NOP58: variants seen among roughly 807,000 people sequenced by gnomAD.
NOP58 encodes nucleolar protein 58.
NOP58 carries 44 observed loss-of-function variants against 71.2 expected under a neutral mutation model. The observed-to-expected ratio is 0.62, with a 90% CI of 0.49 to 0.79. The LOEUF is 0.79. Ranked by LOEUF, NOP58 falls within the 30% of genes least tolerant of loss-of-function variation. The pLI is 0.00. For missense variants in NOP58, 538 were observed against 620.2 expected (o/e 0.87, Z 1.41); for synonymous variants, 228 against 200.3 (o/e 1.14, Z -1.17).
intron 2 of NOP58, chr2:202,276,435 T>C (rs376953696): frequency 2.0e-5 from 10 of 510,660 alleles, no homozygotes; most frequent in African/African-American, 1.7e-4. Flanking sequence ...ATCTGATTCG[T>C]TGTTGTCAAT....
At chr2:202,291,034 T>G (rs1688878343) in intron 7 of NOP58, 91 bp from the exon 8 acceptor site, 3 of 1,207,482 alleles carry the variant, frequency 2.5e-6, no homozygotes, top group Admixed American at 2.7e-5. Flanking sequence ...TCCTTTTCAT[T>G]GGCTTTCTAC....
At chr2:202,299,512 A>G (rs1689054314) in intron 12 of NOP58, among the ~76,000 whole-genome samples, 1 of 152,148 alleles carries the variant, frequency 6.6e-6, no homozygotes. Context: ...TTTGTTTCTT[A>G]AATTATAAAT....
intron 10 of NOP58, among the ~76,000 whole-genome samples, chr2:202,296,281 C>T (rs905515670): frequency 1.3e-5 from 2 of 152,056 alleles, no homozygotes; most frequent in African/African-American, 4.8e-5. Context: ...CTGCAACCTC[C>T]AGCTCCCTGG....
chr2:202,303,503 AG>A lies in NOP58; in HGVS notation c.*70del. ...CTTAAGATTCAACTGGGAGCATACCAGGGATGCTCTCTAACGTAATCAAGGG... is the reference window on the plus strand; with the variant it reads ...CTTAAGATTCAACTGGGAGCATACCAGGATGCTCTCTAACGTAATCAAGGG... On this transcript the variant is annotated 3_prime_UTR_variant, in exon 15 of 15. Coordinates refer to ENST00000264279, the MANE Select transcript of NOP58 (RefSeq NM_015934.5). The A allele has an allele frequency of 6.4e-7, 1 of 1,553,150 alleles. No homozygotes were observed. The highest frequency in any genetic ancestry group is 8.7e-7 in the Non-Finnish European group (1 of 1,147,962).
chr2:202,286,580 G>C (rs957322217), intron 5 of NOP58, among the ~76,000 whole-genome samples: 1 of 152,170 alleles, frequency 6.6e-6, no homozygotes, highest in African/African-American at 2.4e-5. Context: ...AGATTGAAAG[G>C]GTTGAAGCTG....
intron 4 of NOP58, among the ~76,000 whole-genome samples, chr2:202,282,889 A>G (rs975029565): frequency 2.0e-5 from 3 of 152,140 alleles, no homozygotes; most frequent in Non-Finnish European, 4.4e-5. Flanking sequence ...AAGAAAGACT[A>G]GGAAAATAGC....
At position 202,287,661 on chromosome 2, in the gene NOP58, C is replaced by A; in HGVS notation, c.436C>A (p.Leu146Met). The A allele has an allele frequency of 6.2e-7, 1 of 1,610,746 alleles. No homozygotes were observed. The highest frequency in any genetic ancestry group is 2.2e-5 in the East Asian group (1 of 44,848). Residue 146 changes from leucine (L) to methionine (M), a missense_variant and splice_region_variant, in exon 6 of 15, where the codon CTG becomes ATG. By Grantham distance (15) the Leu-to-Met change is conservative (BLOSUM62 2). Transcript: ENST00000264279. The part of the protein sequence containing the change: ...AAMCLGLAHS[L>M]SRYRLKFSAD... ...ATTTATTTTCCCCTTTCTTCCCAGC[C>A]TGTCTCGATATAGATTGAAGTTTAG... is the stretch of plus-strand genomic sequence containing the variant.
chr2:202,303,285 C>G, intron 14 of NOP58, 101 bp from the exon 15 acceptor site: 2 of 1,535,194 alleles, frequency 1.3e-6, no homozygotes, highest in African/African-American at 1.4e-5. Context: ...ATGATTTGCT[C>G]AAGCTTACTT....
At chr2:202,292,318 T>A (rs544199913) in intron 8 of NOP58, among the ~76,000 whole-genome samples, 1 of 152,124 alleles carries the variant, frequency 6.6e-6, no homozygotes, top group African/African-American at 2.4e-5. Flanking sequence ...AAAATACAGT[T>A]ACGCTGACTA....
chr2:202,297,350 G>A, intron 10 of NOP58, 29 bp from the exon 11 acceptor site: 1 of 1,599,690 alleles, frequency 6.3e-7, no homozygotes, highest in Non-Finnish European at 8.5e-7. Flanking sequence ...TCTGAACATG[G>A]AATATAGTTC....
At chr2:202,285,616 C>T (rs1688773913) in intron 5 of NOP58, among the ~76,000 whole-genome samples, 1 of 152,074 alleles carries the variant, frequency 6.6e-6, no homozygotes, top group African/African-American at 2.4e-5. Context: ...GCCGCGACTG[C>T]AGGGGTGAGC....
At position 202,290,360 on chromosome 2, in the gene NOP58, C is replaced by T. The variant is rs375478394; in HGVS notation, c.537C>T (p.Tyr179=). 71 of 1,609,178 alleles carry T rather than the reference C, an allele frequency of 4.4e-5. No homozygotes were observed. The highest frequency in any genetic ancestry group is 1.6e-4 in the Middle Eastern group (1 of 6,076). Residue 179 remains tyrosine, a synonymous_variant, in exon 7 of 15, where the codon TAC becomes TAT. Transcript: ENST00000264279. ...LDDLDKELNN[Y]IMRCREWYGW... ...ACTTGGATAAAGAACTAAACAACTA[C>T]ATTATGCGATGTAGAGAATGGTATG...
At position 202,302,854 on chromosome 2, in the gene NOP58, C is replaced by G. The variant is rs562040512; in HGVS notation, c.1403-67C>G. On this transcript the variant is annotated intron_variant, in intron 13 of 14. Coordinates refer to ENST00000264279, the MANE Select transcript of NOP58 (RefSeq NM_015934.5). ...TGACAGAAAAAAACTAGGACTCAAA[C>G]GTTTTTGGAAGGAATGAGATCTGAT... 2.3e-4 allele frequency: 348 copies of G among 1,511,378 alleles called. 1 individual carries two copies. The highest frequency in any genetic ancestry group is 2.8e-4 in the Non-Finnish European group (314 of 1,141,164). 93.6% of individuals were successfully genotyped at this position (1,511,378 alleles called of 1,614,324 possible). A position where few individuals can be genotyped will look rare whatever the true frequency, so the allele number is the denominator to read the frequency against.
chr2:202,302,887 T>C, intron 13 of NOP58, 34 bp from the exon 14 acceptor site: 1 of 1,584,856 alleles, frequency 6.3e-7, no homozygotes, highest in Non-Finnish European at 8.5e-7. Context: ...GATACAGTGT[T>C]AATTTGTTGT....
chr2:202,301,270 C>G (rs1193431091), intron 13 of NOP58, among the ~76,000 whole-genome samples: 4 of 152,080 alleles, frequency 2.6e-5, no homozygotes, highest in African/African-American at 7.2e-5. Context: ...CTGCAACCTC[C>G]ACCTCCCAGG....
chr2:202,297,972 T>C (rs528750422), intron 12 of NOP58, 66 bp downstream of exon 12: 145 of 1,004,576 alleles, frequency 1.4e-4, no homozygotes, highest in Middle Eastern at 2.2e-4. Flanking sequence ...ACAGTAATTT[T>C]TTATTGTAAA....
rs569697003 is a variant in NOP58, at chr2:202,266,675, C to A, written c.45+689C>A. The stretch of plus-strand genomic sequence containing the variant: ...AATTTGTCTTAATACGGTTACTCTG[C>A]TGTGTGGAGATTAGACTCGAGGAGA... On this transcript the variant is annotated intron_variant, in intron 1 of 14. Coordinates refer to ENST00000264279, the MANE Select transcript of NOP58 (RefSeq NM_015934.5). Among the ~76,000 whole-genome samples the A allele has an allele frequency of 4.3e-4, 65 of 152,268 alleles. 1 individual carries two copies. The South Asian group carries it at 0.013, about 31-fold the overall frequency.
chr2:202,269,653 A>T (rs1020319457), intron 1 of NOP58, among the ~76,000 whole-genome samples: 1 of 152,076 alleles, frequency 6.6e-6, no homozygotes, highest in Admixed American at 6.6e-5. Flanking sequence ...GAGGCAGGAC[A>T]ATCAGTTGAA....
chr2:202,299,273 AAT>A (rs1165165350), intron 12 of NOP58, among the ~76,000 whole-genome samples: 1 of 152,194 alleles, frequency 6.6e-6, no homozygotes, highest in Non-Finnish European at 1.5e-5. Context: ...CAAGAATTTT[AAT>A]AGTAAAATCT....
Sources: allele counts gnomAD v4.1 joint callset (sites outside exome capture counted in the v4.1 genomes callset), GRCh38; gene constraint gnomAD v4.1.1; transcripts MANE v1.5; gene names NCBI Gene and HGNC (gene_info 2026-07-23, HGNC 2026-07-21).